NTN1: variants seen among roughly 807,000 people sequenced by gnomAD.
The protein encoded by NTN1 is netrin-1.
In NTN1, 11 loss-of-function variants were observed where a neutral mutation model predicts 54.2. The observed-to-expected ratio is 0.20, with a 90% CI of 0.13 to 0.34. The LOEUF (loss-of-function observed/expected upper bound fraction) is 0.34. Ranked by LOEUF, NTN1 falls within the 10% of genes least tolerant of loss-of-function variation. NTN1 has a pLI of 1.00. For missense variants in NTN1, 740 were observed against 893.1 expected, an observed-to-expected ratio of 0.83 and a Z score of 2.18; for synonymous variants, 371 against 382.0, an observed-to-expected ratio of 0.97 and a Z score of 0.33.
In NTN1 at chr17:9,240,045, C is replaced by A. The variant is rs979461154; in HGVS notation, c.*77C>A. The A allele has an allele frequency of 5.9e-5, 46 of 780,088 alleles. 1 individual carries two copies. The African/African-American group carries it at 9.2e-4, about 16-fold the overall frequency. 48.3% of individuals were successfully genotyped at this position (780,088 alleles called of 1,614,324 possible). On this transcript the variant is annotated 3_prime_UTR_variant, in exon 7 of 7. Transcript: ENST00000173229. ...AGAGCGGGCGCCTTGGCCCGGCCGC[C>A]GCGGACTTGGCCCGCGAGGGCTTTC...
At chr17:9,206,331 A>G (rs1567738576) in intron 5 of NTN1, among the ~76,000 whole-genome samples, 1 of 152,356 alleles carries the variant, frequency 6.6e-6, no homozygotes, top group East Asian at 1.9e-4. Context: ...GCAAAAAGAA[A>G]GAGCCTGCTG....
In NTN1 at chr17:9,125,659, G is replaced by A. The variant is rs907454899; in HGVS notation, c.1019-37154G>A. Among the ~76,000 whole-genome samples the A allele has an allele frequency of 6.5e-4, 99 of 152,214 alleles. 1 individual carries two copies. The highest frequency in any genetic ancestry group is 2.3e-3 in the African/African-American group (95 of 41,532). ...CTCACTCTGTCACCCAGGCTGTAGT[G>A]CAGTGGTGCAATCATAGCTCACTGC... On this transcript the variant is annotated intron_variant, in intron 2 of 6. Coordinates refer to ENST00000173229, the MANE Select transcript of NTN1 (RefSeq NM_004822.3).
intron 6 of NTN1, among the ~76,000 whole-genome samples, chr17:9,228,375 CAGGGAGGCTGG>C (rs1905671826): frequency 6.6e-6 from 1 of 152,156 alleles, no homozygotes; most frequent in Non-Finnish European, 1.5e-5. Context: ...GTGTGGGGCC[CAGGGAGGCTGG>C]AGAGAGGCTG....
At chr17:9,186,733 A>C (rs1011999955) in intron 5 of NTN1, among the ~76,000 whole-genome samples, 1 of 152,178 alleles carries the variant, frequency 6.6e-6, no homozygotes, top group African/African-American at 2.4e-5. Flanking sequence ...TTGACCTTAG[A>C]GAAGTCACTT....
chr17:9,053,318 G>A (rs1007638362), intron 2 of NTN1, among the ~76,000 whole-genome samples: 3 of 152,144 alleles, frequency 2.0e-5, no homozygotes, highest in East Asian at 1.9e-4. Context: ...CAACACTGGC[G>A]AAAATGGAAA....
At chr17:9,168,993 C>G (rs1045797514) in intron 3 of NTN1, among the ~76,000 whole-genome samples, 7 of 152,174 alleles carry the variant, frequency 4.6e-5, no homozygotes, top group Non-Finnish European at 1.0e-4. Context: ...GAAACTGACA[C>G]CTTAGATACT....
At chr17:9,030,429 G>A (rs1300791861) in intron 2 of NTN1, among the ~76,000 whole-genome samples, 1 of 152,188 alleles carries the variant, frequency 6.6e-6, no homozygotes, top group Non-Finnish European at 1.5e-5. Flanking sequence ...GTGCATTGGT[G>A]CATGTGAAGA....
intron 3 of NTN1, among the ~76,000 whole-genome samples, chr17:9,166,837 G>C (rs1359520504): frequency 6.6e-6 from 1 of 152,212 alleles, no homozygotes; most frequent in African/African-American, 2.4e-5. Flanking sequence ...GGCCTGGGCA[G>C]GGGGCCGAGG....
chr17:9,145,012 G>A (rs73268276), intron 2 of NTN1, among the ~76,000 whole-genome samples: 6,458 of 152,296 alleles, frequency 0.042, 442 homozygotes, highest in East Asian at 0.29. Context: ...AAGGTGGAGC[G>A]GCGGGGGCCA....
At chr17:9,143,150 C>T (rs1259688549) in intron 2 of NTN1, among the ~76,000 whole-genome samples, 1 of 152,136 alleles carries the variant, frequency 6.6e-6, no homozygotes, top group Non-Finnish European at 1.5e-5. Flanking sequence ...GTGGCTTTGT[C>T]CAGAAGGGCT....
At chr17:9,162,776 C>G (rs2092361101) in intron 2 of NTN1, 37 bp from the exon 3 acceptor site, 1 of 1,576,994 alleles carries the variant, frequency 6.3e-7, no homozygotes, top group Admixed American at 1.7e-5. Context: ...CTCCCCGCGC[C>G]CCTGCGGCTG....
Position 9,122,122 on chromosome 17 carries a change from C to T in NTN1, c.1019-40691C>T, listed in dbSNP as rs551826908. ...GCGCAATCTCGGCTCACTGCAAGCT[C>T]CGCTTCCCGGGTTCACGCCATTCTC... On this transcript the variant is annotated intron_variant, in intron 2 of 6. Transcript: ENST00000173229. Among the ~76,000 whole-genome samples the T allele has an allele frequency of 1.1e-4, 16 of 151,934 alleles. No individual in the cohort carries two copies. In the South Asian group the frequency reaches 3.3e-3, roughly 32 times the overall value.
intron 6 of NTN1, among the ~76,000 whole-genome samples, chr17:9,226,712 G>A (rs1331162629): frequency 1.3e-5 from 2 of 152,196 alleles, no homozygotes; most frequent in African/African-American, 2.4e-5. Context: ...AAGCATATTC[G>A]CGATTCCTGC....
intron 3 of NTN1, chr17:9,175,715 C>T (rs947486482): frequency 1.3e-5 from 2 of 152,242 alleles, no homozygotes; most frequent in Admixed American, 6.5e-5. Context: ...CCTGAGCTGT[C>T]TGTCCCTGTC....
intron 2 of NTN1, among the ~76,000 whole-genome samples, chr17:9,089,839 C>A (rs1374858714): frequency 6.6e-6 from 1 of 152,136 alleles, no homozygotes; most frequent in Non-Finnish European, 1.5e-5. Flanking sequence ...CTCCTGCTAC[C>A]GACCTCCTGC....
At chr17:9,127,502 G>A (rs2092251306) in intron 2 of NTN1, among the ~76,000 whole-genome samples, 1 of 152,152 alleles carries the variant, frequency 6.6e-6, no homozygotes, top group Non-Finnish European at 1.5e-5. Context: ...TAGCACTGGG[G>A]AGCGTGGTGC....
At chr17:9,052,310 GCATAAT>G (rs1375016815) in intron 2 of NTN1, among the ~76,000 whole-genome samples, 1 of 152,108 alleles carries the variant, frequency 6.6e-6, no homozygotes, top group Non-Finnish European at 1.5e-5. Context: ...TGAGTTAAGG[GCATAAT>G]CATTGAACAT....
At chr17:9,091,764 T>C (rs1033044890) in intron 2 of NTN1, among the ~76,000 whole-genome samples, 11 of 151,872 alleles carry the variant, frequency 7.2e-5, no homozygotes, top group Admixed American at 5.9e-4. Flanking sequence ...GTTTAGCCAC[T>C]TTTATGTGTA....
chr17:9,059,585 A>C (rs1382913146), intron 2 of NTN1, among the ~76,000 whole-genome samples: 3 of 152,178 alleles, frequency 2.0e-5, no homozygotes, highest in Non-Finnish European at 4.4e-5. Flanking sequence ...GGCACATATG[A>C]TATGGTTACA....
Sources: gnomAD v4.1 joint callset for allele counts (sites outside exome capture counted in the v4.1 genomes callset) on GRCh38, gnomAD v4.1.1 for gene constraint, MANE v1.5 for transcripts, NCBI Gene and HGNC (gene_info 2026-07-23, HGNC 2026-07-21) for gene names.